Variants in MUC7 observed in about 807,000 individuals in gnomAD.
The protein encoded by MUC7 is mucin 7, secreted.
A neutral mutation model predicts 2.5 loss-of-function variants in MUC7; 2 were observed. That is an observed-to-expected ratio of 0.81 (90% CI 0.33 to 2.55). The LOEUF is 2.55. MUC7 is among the 30% of genes most tolerant of loss of function. The pLI, the probability that MUC7 is intolerant of heterozygous loss-of-function variation, is 0.11. For synonymous variants in MUC7, 133 were observed against 173.4 expected (o/e 0.77, Z 1.83); for missense variants, 408 against 455.6 (o/e 0.90, Z 0.95).
chr4:70,442,092 G>A (rs1424340725), intron 1 of MUC7, among the ~76,000 whole-genome samples: 1 of 152,186 alleles, frequency 6.6e-6, no homozygotes, highest in Admixed American at 6.5e-5. Flanking sequence ...AGTTGAGGGA[G>A]CTCATTCCTA....
At chr4:70,445,728 C>T (rs1267630209) in intron 1 of MUC7, among the ~76,000 whole-genome samples, 2 of 152,086 alleles carry the variant, frequency 1.3e-5, no homozygotes, top group African/African-American at 2.4e-5. Flanking sequence ...AAAAGAGGTT[C>T]GTATAATAGA....
chr4:70,451,634 C>T (rs1015235357), intron 1 of MUC7, among the ~76,000 whole-genome samples: 3 of 151,994 alleles, frequency 2.0e-5, no homozygotes, highest in Non-Finnish European at 4.4e-5. Context: ...ATGTTTGATA[C>T]TATTTCAATT....
Position 70,482,124 on chromosome 4 carries a change from C to A in MUC7, c.*246C>A. 1 of 497,462 alleles carries A rather than the reference C, an allele frequency of 2.0e-6. No individual in the cohort carries two copies. The allele number at this position is 497,462 out of a possible 1,614,324, so 30.8% of individuals were successfully genotyped here. On this transcript the variant is annotated 3_prime_UTR_variant, in exon 3 of 3. Coordinates refer to ENST00000304887, the MANE Select transcript of MUC7 (RefSeq NM_152291.3). ...AACTCTTTGGATCCTACAGAGATAG[C>A]CTACTGAGGGCAAAGAAAGTCCTTA...
chr4:70,477,563 T>C (rs1263746094), intron 2 of MUC7, among the ~76,000 whole-genome samples: 1 of 152,196 alleles, frequency 6.6e-6, no homozygotes, highest in African/African-American at 2.4e-5. Flanking sequence ...CCTTTCTTGC[T>C]GCAAGTGCCA....
chr4:70,446,277 G>C (rs1734132081), intron 1 of MUC7, among the ~76,000 whole-genome samples: 2 of 152,168 alleles, frequency 1.3e-5, no homozygotes, highest in South Asian at 4.2e-4. Context: ...AGAAACCCTT[G>C]TCTTCATTTG....
intron 1 of MUC7, among the ~76,000 whole-genome samples, chr4:70,434,399 T>A (rs1033695265): frequency 1.3e-5 from 2 of 152,108 alleles, no homozygotes; most frequent in Non-Finnish European, 2.9e-5. Context: ...ATTTCAGAAC[T>A]TGTTATTGGT....
chr4:70,435,590 G>A (rs1438105025), intron 1 of MUC7, among the ~76,000 whole-genome samples: 3 of 152,144 alleles, frequency 2.0e-5, no homozygotes, highest in Non-Finnish European at 2.9e-5. Flanking sequence ...TTGAACCTAT[G>A]TATATCTTTG....
intron 1 of MUC7, among the ~76,000 whole-genome samples, chr4:70,459,784 C>T (rs1734510010): frequency 6.6e-6 from 1 of 152,122 alleles, no homozygotes; most frequent in African/African-American, 2.4e-5. Context: ...CATCTTTGTT[C>T]ATCTCTAATC....
At chr4:70,444,175 T>G (rs1734069825) in intron 1 of MUC7, among the ~76,000 whole-genome samples, 1 of 152,164 alleles carries the variant, frequency 6.6e-6, no homozygotes. Context: ...CTTCCACAGA[T>G]GAGATTCCTG....
At chr4:70,476,925 T>G (rs1560558519) in intron 2 of MUC7, among the ~76,000 whole-genome samples, 1 of 152,230 alleles carries the variant, frequency 6.6e-6, no homozygotes, top group Non-Finnish European at 1.5e-5. Context: ...GTCTGGCTTC[T>G]CTCTTCCAGA....
chr4:70,481,617 A>C lies in MUC7; in HGVS notation c.873A>C (p.Thr291=), dbSNP rs968015530. 6.2e-7 allele frequency: 1 copy of C among 1,611,544 alleles called. No homozygotes were observed. Among genetic ancestry groups the C allele is most frequent in the Non-Finnish European group, 8.5e-7 (1 of 1,179,384 alleles). ...TAAPPTPSAT[T]PAPPSSPAPQ... Reference sequence around the variant, plus strand: ...CCCCACCCACACCTTCTGCAACTACACCAGCTCCACCGTCTTCCCCAGCTC... The same window carrying C: ...CCCCACCCACACCTTCTGCAACTACCCCAGCTCCACCGTCTTCCCCAGCTC... Residue 291 remains threonine, a synonymous_variant, in exon 3 of 3, where the codon ACA becomes ACC. Coordinates refer to ENST00000304887, the MANE Select transcript of MUC7 (RefSeq NM_152291.3).
intron 1 of MUC7, among the ~76,000 whole-genome samples, chr4:70,440,449 ACT>A (rs1733974320): frequency 6.6e-6 from 1 of 152,110 alleles, no homozygotes; most frequent in African/African-American, 2.4e-5. Context: ...CGCATCTAAC[ACT>A]CTGCCCAGGA....
chr4:70,467,136 G>A (rs1212816821), intron 1 of MUC7, among the ~76,000 whole-genome samples: 1 of 152,158 alleles, frequency 6.6e-6, no homozygotes, highest in Admixed American at 6.5e-5. Context: ...CATGGAAACT[G>A]AACAACCTGC....
chr4:70,451,642 A>AT (rs1013949261), intron 1 of MUC7, among the ~76,000 whole-genome samples: 1 of 151,772 alleles, frequency 6.6e-6, no homozygotes, highest in Non-Finnish European at 1.5e-5. Context: ...TACTATTTCA[A>AT]TTTTTTTTAA....
intron 1 of MUC7, among the ~76,000 whole-genome samples, chr4:70,454,872 T>G: frequency 6.6e-6 from 1 of 152,218 alleles, no homozygotes; most frequent in East Asian, 1.9e-4. Context: ...ATTTGAAATT[T>G]TGCAAAAATA....
At chr4:70,469,386 C>G (rs955283265), upstream of MUC7, among the ~76,000 whole-genome samples, 1 of 152,128 alleles carries the variant, frequency 6.6e-6, no homozygotes, top group Admixed American at 6.6e-5. Flanking sequence ...GCAATGGCAA[C>G]AAAAGCCAAA....
chr4:70,481,009 C>T lies in MUC7; in HGVS notation c.265C>T (p.Gln89Ter), dbSNP rs1735151796. Residue 89 changes from glutamine (Q) to a stop codon, truncating the protein, a stop_gained, in exon 3 of 3, where the codon CAG becomes TAG. Coordinates refer to ENST00000304887, the MANE Select transcript of MUC7 (RefSeq NM_152291.3). LOFTEE classifies it low-confidence loss of function (END_TRUNC). ...NNPPKFPNPH[Q>*]PPKHPDKNSS... ...CCCCCCCAAATTCCCAAATCCTCAC[C>T]AGCCACCTAAACATCCAGATAAAAA... 6.2e-7 allele frequency: 1 copy of T among 1,614,100 alleles called. No homozygotes were observed. The highest frequency in any genetic ancestry group is 8.5e-7 in the Non-Finnish European group (1 of 1,180,006).
chr4:70,475,103 A>C (rs1306470968), intron 2 of MUC7, among the ~76,000 whole-genome samples: 2 of 152,062 alleles, frequency 1.3e-5, no homozygotes, highest in Non-Finnish European at 2.9e-5. Flanking sequence ...ACATGGTGAA[A>C]CCCCGTCTCT....
chr4:70,463,611 T>G (rs1383677611), intron 1 of MUC7, among the ~76,000 whole-genome samples: 1 of 152,200 alleles, frequency 6.6e-6, no homozygotes, highest in Non-Finnish European at 1.5e-5. Flanking sequence ...TATCACAACA[T>G]TCAGTGCTAA....
Sources: allele counts gnomAD v4.1 joint callset (sites outside exome capture counted in the v4.1 genomes callset), GRCh38; gene constraint gnomAD v4.1.1; transcripts MANE v1.5; gene names NCBI Gene and HGNC (gene_info 2026-07-23, HGNC 2026-07-21).